Variants in SUCLA2 observed in about 807,000 individuals in gnomAD.
SUCLA2 encodes succinate-CoA ligase ADP-forming subunit beta.
Under a neutral mutation model 54.8 loss-of-function variants are expected in SUCLA2, and 30 were observed. That is an observed-to-expected ratio of 0.55 (90% CI 0.41 to 0.74). The LOEUF is 0.74. Ranked by LOEUF, SUCLA2 falls within the 30% of genes least tolerant of loss-of-function variation. The pLI is 0.00. For missense variants in SUCLA2, 476 were observed against 562.9 expected (o/e 0.85, Z 1.56); for synonymous variants, 172 against 188.9 (o/e 0.91, Z 0.74).
chr13:47,949,028 C>G lies in SUCLA2; in HGVS notation c.1229G>C (p.Gly410Ala). 1.9e-6 allele frequency: 3 copies of G among 1,613,266 alleles called. No individual in the cohort carries two copies. Among genetic ancestry groups the G allele is most frequent in the Non-Finnish European group, 2.5e-6 (3 of 1,179,356 alleles). Residue 410 changes from glycine to alanine, a missense_variant and splice_region_variant, in exon 10 of 11, where the codon GGT (glycine) becomes GCT (alanine). Physicochemically the swap from Gly to Ala is moderately conservative, Grantham distance 60. Around this residue, in one of 2 missense-constraint regions of SUCLA2, gnomAD observed 342 missense variants for 444.2 expected, o/e 0.77. Transcript: ENST00000646932. ...TGCCTTAGCATCATCGACTCGTGTA[C>G]CTGTAAATGATTTATGCAAATATAA... ...IKIPVVVRLQ[G>A]TRVDDAKALI...
intron 6 of SUCLA2, 58 bp downstream of exon 6, chr13:47,968,537 G>A (rs1212041732): frequency 4.4e-6 from 7 of 1,594,160 alleles, no homozygotes; most frequent in Non-Finnish European, 6.0e-6. Context: ...AACTTCCTTA[G>A]GGAAGCATAT....
At chr13:47,970,568 A>G (rs1387595887) in intron 5 of SUCLA2, among the ~76,000 whole-genome samples, 8 of 152,160 alleles carry the variant, frequency 5.3e-5, no homozygotes, top group Non-Finnish European at 1.2e-4. Context: ...GCCGGTCAAA[A>G]TTCTTGCACT....
At chr13:47,968,493 G>GTT in intron 6 of SUCLA2, 102 bp downstream of exon 6, 1 of 1,325,514 alleles carries the variant, frequency 7.5e-7, no homozygotes, top group South Asian at 1.3e-5. Flanking sequence ...CTTCTACATA[G>GTT]GTAGAAGTTT....
intron 10 of SUCLA2, among the ~76,000 whole-genome samples, chr13:47,948,099 C>T (rs1465610307): frequency 6.6e-6 from 1 of 152,046 alleles, no homozygotes; most frequent in Non-Finnish European, 1.5e-5. Flanking sequence ...TTATCAATAC[C>T]TTTATCTTTT....
chr13:47,975,609 A>C (rs764586827), intron 4 of SUCLA2, among the ~76,000 whole-genome samples: 1 of 143,812 alleles, frequency 7.0e-6, no homozygotes, highest in Non-Finnish European at 1.5e-5. Context: ...AGAAGAATCT[A>C]TCACTTTTTT....
Position 47,996,911 on chromosome 13 carries a change from C to T in SUCLA2, c.203G>A (p.Gly68Asp). ...YMSMELLQEA[G>D]VSVPKGYVAK... ...CACATATCCTTTGGGAACGGAGACACCAGCTTCTTGCAATAATTCCATACT... is the reference window on the plus strand; with the variant it reads ...CACATATCCTTTGGGAACGGAGACATCAGCTTCTTGCAATAATTCCATACT... Residue 68 changes from glycine to aspartate, a missense_variant, in exon 2 of 11, where the codon GGT (glycine) becomes GAT (aspartate). Transcript: ENST00000646932. The T allele has an allele frequency of 6.2e-7, 1 of 1,613,958 alleles. No homozygotes were observed. The highest frequency in any genetic ancestry group is 8.5e-7 in the Non-Finnish European group (1 of 1,179,948).
At chr13:47,957,590 T>C (rs1286978148) in intron 6 of SUCLA2, among the ~76,000 whole-genome samples, 1 of 152,174 alleles carries the variant, frequency 6.6e-6, no homozygotes, top group East Asian at 1.9e-4. Context: ...AAGTGTCCCT[T>C]ATGGGCCTAG....
intron 10 of SUCLA2, among the ~76,000 whole-genome samples, chr13:47,944,856 C>T (rs1196315056): frequency 2.6e-5 from 4 of 152,140 alleles, no homozygotes; most frequent in African/African-American, 9.7e-5. Context: ...AGCCTGGGGG[C>T]TCATGCTTGT....
intron 2 of SUCLA2, among the ~76,000 whole-genome samples, chr13:47,995,183 T>C (rs898648920): frequency 1.1e-4 from 17 of 152,094 alleles, no homozygotes; most frequent in African/African-American, 3.4e-4. Context: ...AGTGACCCTA[T>C]CTCTAAAAAA....
At chr13:48,000,991 G>A (rs1566095328) in intron 1 of SUCLA2, 189 bp downstream of exon 1, 1 of 1,446,498 alleles carries the variant, frequency 6.9e-7, no homozygotes, top group Non-Finnish European at 9.1e-7. Context: ...CTGGGTCAGA[G>A]CCGCGCAAAC....
intron 6 of SUCLA2, among the ~76,000 whole-genome samples, chr13:47,964,364 G>A (rs1455416459): frequency 2.0e-5 from 3 of 152,134 alleles, no homozygotes; most frequent in Non-Finnish European, 2.9e-5. Context: ...TGTGTTGATG[G>A]AACAGTCTGT....
chr13:47,993,924 C>T (rs893994069), intron 2 of SUCLA2, among the ~76,000 whole-genome samples: 1 of 151,876 alleles, frequency 6.6e-6, no homozygotes, highest in Non-Finnish European at 1.5e-5. Context: ...ATCCCAGCTA[C>T]TCAGGAGGCT....
intron 5 of SUCLA2, among the ~76,000 whole-genome samples, chr13:47,971,033 C>T (rs1949958867): frequency 6.6e-6 from 1 of 150,768 alleles, no homozygotes; most frequent in African/African-American, 2.4e-5. Context: ...GAGACTCCGT[C>T]TCAAAAAAAA....
At position 47,944,459 on chromosome 13, in the gene SUCLA2, CTTCTT is replaced by C. The variant is rs550526827; in HGVS notation, c.1318-1019_1318-1015del. Among the ~76,000 whole-genome samples, 581 of 151,970 alleles carry C rather than the reference CTTCTT, an allele frequency of 3.8e-3. 2 individuals are homozygous for C. The highest frequency in any genetic ancestry group is 0.013 in the African/African-American group (543 of 41,380). On this transcript the variant is annotated intron_variant, in intron 10 of 10. Coordinates refer to ENST00000646932, the MANE Select transcript of SUCLA2 (RefSeq NM_003850.3). ...GATCAAGGTCCTACTGGTTCTTCTC[CTTCTT>C]TTCATGTCCTCCAAGCTTTTCTTAA...
chr13:47,976,825 T>C (rs1950017445), intron 4 of SUCLA2, among the ~76,000 whole-genome samples: 2 of 152,290 alleles, frequency 1.3e-5, no homozygotes, highest in African/African-American at 4.8e-5. Context: ...TTAAGTGTCA[T>C]GTCAGTGCTC....
At chr13:47,997,487 C>G (rs756300851) in intron 1 of SUCLA2, among the ~76,000 whole-genome samples, 8 of 152,182 alleles carry the variant, frequency 5.3e-5, no homozygotes, top group Non-Finnish European at 7.3e-5. Context: ...ATGGCTTCAT[C>G]TGTAGTGGAT....
intron 6 of SUCLA2, among the ~76,000 whole-genome samples, chr13:47,963,882 T>C (rs1429485333): frequency 6.6e-6 from 1 of 152,216 alleles, no homozygotes; most frequent in Non-Finnish European, 1.5e-5. Context: ...AAAGGTGGAT[T>C]GCCGAACTGT....
chr13:47,994,456 T>C (rs1950175122), intron 2 of SUCLA2, among the ~76,000 whole-genome samples: 2 of 150,596 alleles, frequency 1.3e-5, no homozygotes, highest in Non-Finnish European at 2.9e-5. Context: ...TAATCCCAGC[T>C]ACTCAGGAGG....
rs1037491793 is a variant in SUCLA2 at position 47,951,413 on chromosome 13, C to A, written c.1108-1810G>T. ...GAACTGACTTTCTTCACTATAGAGCCTGGGACATATGGCTAAGCAATTCAG... is the reference window on the plus strand; with the variant it reads ...GAACTGACTTTCTTCACTATAGAGCATGGGACATATGGCTAAGCAATTCAG... On this transcript the variant is annotated intron_variant, in intron 8 of 10. Coordinates refer to ENST00000646932, the MANE Select transcript of SUCLA2 (RefSeq NM_003850.3). 3.3e-4 allele frequency among the ~76,000 whole-genome samples: 49 copies of A among 150,516 alleles called. 1 individual carries two copies. In the East Asian group the frequency reaches 9.4e-3, roughly 29 times the overall value.
Sources: gnomAD v4.1 joint callset for allele counts (sites outside exome capture counted in the v4.1 genomes callset) on GRCh38, gnomAD v4.1.1 for gene constraint, gnomAD v4.1.1 regional missense constraint, MANE v1.5 for transcripts, NCBI Gene and HGNC (gene_info 2026-07-23, HGNC 2026-07-21) for gene names.